The following EBAG9 variants were observed in gnomAD, a reference collection of about 807,000 sequenced individuals.
EBAG9 encodes receptor-binding cancer antigen expressed on SiSo cells.
EBAG9 carries 16 observed loss-of-function variants against 30.9 expected under a neutral mutation model. The observed-to-expected ratio is 0.52, with a 90% CI of 0.35 to 0.79. EBAG9 has a LOEUF of 0.79. Ranked by LOEUF, EBAG9 falls within the 30% of genes least tolerant of loss-of-function variation. The pLI is 0.01. For synonymous variants in EBAG9, 93 were observed against 82.8 expected, an observed-to-expected ratio of 1.12 and a Z score of -0.67; for missense variants, 197 against 242.1, an observed-to-expected ratio of 0.81 and a Z score of 1.24.
intron 5 of EBAG9, among the ~76,000 whole-genome samples, 178 bp downstream of exon 5, chr8:109,557,220 T>G (rs1821617989): frequency 6.6e-6 from 1 of 152,194 alleles, no homozygotes; most frequent in South Asian, 2.1e-4. Flanking sequence ...TTTATGAGAT[T>G]GTAAATTACC....
At chr8:109,541,057 T>C (rs1821264336) in intron 1 of EBAG9, among the ~76,000 whole-genome samples, 1 of 152,172 alleles carries the variant, frequency 6.6e-6, no homozygotes, top group Non-Finnish European at 1.5e-5. Flanking sequence ...GTATTTTTTT[T>C]CCGTTAACAT....
chr8:109,562,687 T>C (rs574531451), intron 6 of EBAG9, among the ~76,000 whole-genome samples: 9 of 151,862 alleles, frequency 5.9e-5, no homozygotes, highest in African/African-American at 1.4e-4. Flanking sequence ...TTTTATACTT[T>C]AGTTTTTGAT....
chr8:109,564,522 A>G lies in EBAG9; in HGVS notation c.605A>G (p.Lys202Arg). 1 of 1,612,770 alleles carries G rather than the reference A, an allele frequency of 6.2e-7. No individual in the cohort carries two copies. The highest frequency in any genetic ancestry group is 8.5e-7 in the Non-Finnish European group (1 of 1,179,010). Residue 202 changes from lysine to arginine, a missense_variant, in exon 7 of 7, where the codon AAG (lysine) becomes AGG (arginine). Physicochemically the swap from Lys to Arg is conservative, Grantham distance 26. Coordinates refer to ENST00000337573, the MANE Select transcript of EBAG9 (RefSeq NM_004215.5). ...GAAAAGGAAGCACAACGGCTAATGA[A>G]GAAGGAACAAAACAAAATTGGTGTG... Reference protein sequence around the residue: ...KMEKEAQRLMKKEQNKIGVKL... With the variant: ...KMEKEAQRLMRKEQNKIGVKL...
chr8:109,548,459 T>G (rs1424902082), intron 1 of EBAG9, among the ~76,000 whole-genome samples: 1 of 152,178 alleles, frequency 6.6e-6, no homozygotes, highest in Admixed American at 6.5e-5. Flanking sequence ...TTGTTTTGGC[T>G]GTTATATACG....
intron 1 of EBAG9, 28 bp from the exon 2 acceptor site, chr8:109,550,782 C>A: frequency 7.8e-7 from 1 of 1,289,810 alleles, no homozygotes. Context: ...CAATTTAATG[C>A]ATTTTTTGTT....
chr8:109,543,499 T>C (rs2131097309), intron 1 of EBAG9, among the ~76,000 whole-genome samples: 1 of 152,302 alleles, frequency 6.6e-6, no homozygotes, highest in Non-Finnish European at 1.5e-5. Flanking sequence ...TTTATGTGTT[T>C]GTTTGGAACT....
In EBAG9 at chr8:109,559,278, G is replaced by A. The variant is rs565255269; in HGVS notation, c.430-1560G>A. 1.4e-3 allele frequency among the ~76,000 whole-genome samples: 211 copies of A among 152,098 alleles called. 2 individuals are homozygous for A. Among genetic ancestry groups the A allele is most frequent in the African/African-American group, 4.9e-3 (204 of 41,490 alleles). On this transcript the variant is annotated intron_variant, in intron 5 of 6. Coordinates refer to ENST00000337573, the MANE Select transcript of EBAG9 (RefSeq NM_004215.5). Reference sequence around the variant, plus strand: ...TCGAGACCAGCCTAGGCAACATGGCGAAATCCCCCCTCTACAAAAATTAAA... The same window carrying A: ...TCGAGACCAGCCTAGGCAACATGGCAAAATCCCCCCTCTACAAAAATTAAA...
intron 1 of EBAG9, among the ~76,000 whole-genome samples, chr8:109,549,037 G>T: frequency 6.6e-6 from 1 of 150,696 alleles, no homozygotes; most frequent in Non-Finnish European, 1.5e-5. Flanking sequence ...ATTACTGTAG[G>T]TTTTTCATAG....
At chr8:109,549,270 T>A (rs1331905243) in intron 1 of EBAG9, among the ~76,000 whole-genome samples, 2 of 152,028 alleles carry the variant, frequency 1.3e-5, no homozygotes, top group African/African-American at 4.8e-5. Context: ...CAATGTAGTA[T>A]CCATTTATAT....
At chr8:109,543,367 G>C (rs1443913872) in intron 1 of EBAG9, among the ~76,000 whole-genome samples, 1 of 151,996 alleles carries the variant, frequency 6.6e-6, no homozygotes, top group Non-Finnish European at 1.5e-5. Flanking sequence ...GAAAAGACTA[G>C]TGTGCGTTTT....
intron 1 of EBAG9, among the ~76,000 whole-genome samples, chr8:109,549,137 T>G (rs1821444913): frequency 6.6e-6 from 1 of 151,792 alleles, no homozygotes; most frequent in African/African-American, 2.4e-5. Context: ...GTCAAAGGCT[T>G]TTTCTGTCTC....
intron 1 of EBAG9, among the ~76,000 whole-genome samples, chr8:109,541,363 T>C (rs1021472342): frequency 4.7e-4 from 71 of 152,324 alleles, no homozygotes; most frequent in Admixed American, 1.1e-3. Context: ...GTTTCTTAAG[T>C]AGGATATGAT....
chr8:109,554,155 T>A (rs1031387892), intron 3 of EBAG9, among the ~76,000 whole-genome samples: 15 of 152,326 alleles, frequency 9.8e-5, no homozygotes, highest in African/African-American at 3.6e-4. Context: ...TTCATTGGTT[T>A]CAAGTGTTTG....
intron 5 of EBAG9, among the ~76,000 whole-genome samples, chr8:109,559,892 T>C (rs1821677497): frequency 6.6e-6 from 1 of 152,172 alleles, no homozygotes; most frequent in Non-Finnish European, 1.5e-5. Flanking sequence ...TTTTCAAGGC[T>C]GTCATTTGCA....
chr8:109,546,508 G>C (rs935594286), intron 1 of EBAG9, among the ~76,000 whole-genome samples: 5 of 152,146 alleles, frequency 3.3e-5, no homozygotes, highest in African/African-American at 9.7e-5. Flanking sequence ...CTCTATATTT[G>C]TTTATAATTT....
intron 4 of EBAG9, among the ~76,000 whole-genome samples, chr8:109,556,638 A>G (rs1299340707): frequency 6.6e-6 from 1 of 152,126 alleles, no homozygotes; most frequent in Non-Finnish European, 1.5e-5. Flanking sequence ...ACCTGTTGTT[A>G]TTTAATACAG....
intron 1 of EBAG9, among the ~76,000 whole-genome samples, chr8:109,546,428 T>C (rs1165699365): frequency 1.3e-5 from 2 of 152,256 alleles, no homozygotes; most frequent in African/African-American, 4.8e-5. Flanking sequence ...AGTTTCGTCA[T>C]GTCTGTCAGT....
intron 1 of EBAG9, among the ~76,000 whole-genome samples, chr8:109,546,736 C>T (rs950824092): frequency 9.9e-5 from 15 of 152,156 alleles, no homozygotes; most frequent in African/African-American, 3.1e-4. Flanking sequence ...AAAGATTGGA[C>T]ACCCCTGTTC....
chr8:109,549,232 C>G (rs1821446772), intron 1 of EBAG9, among the ~76,000 whole-genome samples: 1 of 151,926 alleles, frequency 6.6e-6, no homozygotes, highest in Admixed American at 6.6e-5. Flanking sequence ...ACCAATCCAA[C>G]ATTTCCAAAC....
Sources: allele counts gnomAD v4.1 joint callset (sites outside exome capture counted in the v4.1 genomes callset), GRCh38; gene constraint gnomAD v4.1.1; transcripts MANE v1.5; gene names NCBI Gene and HGNC (gene_info 2026-07-23, HGNC 2026-07-21).